TSPAN9: variants seen among roughly 807,000 people sequenced by gnomAD.
TSPAN9 encodes tetraspanin 9, also known as tetraspanin-9.
Under a neutral mutation model 31.0 loss-of-function variants are expected in TSPAN9, and 16 were observed. The ratio of observed to expected loss-of-function variants is 0.52; its 90% CI spans 0.35 to 0.78. TSPAN9 has a LOEUF of 0.78. Ranked by LOEUF, TSPAN9 falls within the 30% of genes least tolerant of loss-of-function variation. The probability of loss-of-function intolerance (pLI) is 0.01; values close to 1 mark genes in which losing one functional copy is unlikely to be tolerated. For synonymous variants in TSPAN9, 145 were observed against 121.6 expected (o/e 1.19, Z -1.27); for missense variants, 272 against 312.5 (o/e 0.87, Z 0.98).
chr12:3,146,900 T>C lies in TSPAN9; in HGVS notation c.-17-54277T>C, dbSNP rs548017263. On this transcript the variant is annotated intron_variant, in intron 2 of 8. Coordinates refer to ENST00000011898, the MANE Select transcript of TSPAN9 (RefSeq NM_006675.5). ...AGCTTTGGGGCCATGCTTTTTTGGGTTTGCATTCAGATTGTGACACTTACA... is the reference window on the plus strand; with the variant it reads ...AGCTTTGGGGCCATGCTTTTTTGGGCTTGCATTCAGATTGTGACACTTACA... Among the ~76,000 whole-genome samples, 8 of 152,122 alleles carry C rather than the reference T, an allele frequency of 5.3e-5. 2 individuals are homozygous for C. Among genetic ancestry groups the C allele is most frequent in the African/African-American group, 1.9e-4 (8 of 41,508 alleles).
intron 3 of TSPAN9, among the ~76,000 whole-genome samples, chr12:3,222,824 G>A (rs566883955): frequency 2.4e-4 from 37 of 152,260 alleles, no homozygotes; most frequent in African/African-American, 7.7e-4. Flanking sequence ...CACCCCCCAG[G>A]TCCCACCCTG....
At chr12:3,166,406 A>G (rs865936685) in intron 2 of TSPAN9, among the ~76,000 whole-genome samples, 8 of 152,382 alleles carry the variant, frequency 5.2e-5, no homozygotes, top group South Asian at 2.1e-4. Flanking sequence ...GCATCATACT[A>G]TCTAAAGCTG....
At chr12:3,281,981 T>G in intron 8 of TSPAN9, 164 bp downstream of exon 8, 2 of 822,992 alleles carry the variant, frequency 2.4e-6, no homozygotes, top group Non-Finnish European at 4.2e-6. Flanking sequence ...TCCGCAGAGC[T>G]CTGATATGAG....
intron 3 of TSPAN9, among the ~76,000 whole-genome samples, chr12:3,237,769 G>A (rs540761801): frequency 2.0e-5 from 3 of 152,196 alleles, no homozygotes; most frequent in South Asian, 2.1e-4. Context: ...CTTCCCTTCC[G>A]AAGCCAGAGG....
intron 2 of TSPAN9, among the ~76,000 whole-genome samples, chr12:3,131,330 A>T (rs2058245): frequency 6.6e-6 from 1 of 151,890 alleles, no homozygotes; most frequent in Admixed American, 6.6e-5. Flanking sequence ...GAGCCTGGAC[A>T]TGCCGAAGCT....
chr12:3,093,642 G>A (rs184308841), intron 2 of TSPAN9, among the ~76,000 whole-genome samples: 70 of 152,274 alleles, frequency 4.6e-4, no homozygotes, highest in African/African-American at 1.5e-3. Flanking sequence ...TTTGTTGATG[G>A]GAGATAGGAA....
chr12:3,219,895 C>T (rs771655487), intron 3 of TSPAN9, among the ~76,000 whole-genome samples: 2 of 150,566 alleles, frequency 1.3e-5, no homozygotes, highest in African/African-American at 2.5e-5. Context: ...TGGCCCACGC[C>T]GGTAATCCCA....
intron 2 of TSPAN9, among the ~76,000 whole-genome samples, chr12:3,194,172 C>CT (rs1229335791): frequency 6.6e-6 from 1 of 152,126 alleles, no homozygotes; most frequent in Non-Finnish European, 1.5e-5. Context: ...CTGACAGGCA[C>CT]TGAGGGGTGG....
chr12:3,195,912 G>T (rs965641461), intron 2 of TSPAN9, among the ~76,000 whole-genome samples: 1 of 152,206 alleles, frequency 6.6e-6, no homozygotes, highest in African/African-American at 2.4e-5. Context: ...TTCTGCAAGG[G>T]ACAGCTCGGT....
intron 1 of TSPAN9, among the ~76,000 whole-genome samples, chr12:3,081,842 G>A (rs61918055): frequency 0.15 from 8,536 of 56,082 alleles, 471 homozygotes; most frequent in African/African-American, 0.18. Flanking sequence ...GTGTCTGTGT[G>A]TGTATATATA....
rs1004901889 is a variant in TSPAN9 at position 3,224,440 on chromosome 12, G to A, written c.63+23184G>A. ...GTCTGGCCCTCCCTTTTTCACACAC[G>A]AGGAAGCTAGGAAGAACCTACAGAA... On this transcript the variant is annotated intron_variant, in intron 3 of 8. Transcript: ENST00000011898. Among the ~76,000 whole-genome samples, 7 of 152,344 alleles carry A rather than the reference G, an allele frequency of 4.6e-5. No individual in the cohort carries two copies. In the East Asian group the frequency reaches 1.2e-3, roughly 25 times the overall value.
chr12:3,246,451 C>T (rs1862128638), intron 3 of TSPAN9, among the ~76,000 whole-genome samples: 1 of 152,164 alleles, frequency 6.6e-6, no homozygotes, highest in African/African-American at 2.4e-5. Flanking sequence ...CTTTGGCTGC[C>T]TTGGCAGAAG....
intron 2 of TSPAN9, among the ~76,000 whole-genome samples, chr12:3,199,796 A>G (rs754941629): frequency 7.2e-5 from 11 of 152,132 alleles, no homozygotes; most frequent in East Asian, 1.9e-4. Flanking sequence ...GCTTTCCGAT[A>G]CCTCGCGCCT....
chr12:3,144,375 A>G (rs1378674881), intron 2 of TSPAN9, among the ~76,000 whole-genome samples: 1 of 152,214 alleles, frequency 6.6e-6, no homozygotes, highest in African/African-American at 2.4e-5. Flanking sequence ...TGCTGGGGTT[A>G]CAGGTGTGAG....
At chr12:3,096,888 C>T (rs989502433) in intron 2 of TSPAN9, among the ~76,000 whole-genome samples, 17 of 152,114 alleles carry the variant, frequency 1.1e-4, no homozygotes, top group African/African-American at 3.6e-4. Flanking sequence ...TTAGTAGAGA[C>T]GGGGTTTCAC....
chr12:3,108,786 T>C (rs1446584442), intron 2 of TSPAN9, among the ~76,000 whole-genome samples: 3 of 152,128 alleles, frequency 2.0e-5, no homozygotes, highest in Admixed American at 1.3e-4. Context: ...TCTATCGGGG[T>C]TTTTATTTTA....
chr12:3,164,188 TG>T (rs2098347071), intron 2 of TSPAN9, among the ~76,000 whole-genome samples: 1 of 152,190 alleles, frequency 6.6e-6, no homozygotes, highest in Non-Finnish European at 1.5e-5. Context: ...TTTCCTAAGG[TG>T]CTTTCGTATG....
intron 3 of TSPAN9, among the ~76,000 whole-genome samples, chr12:3,237,182 G>A (rs1037570706): frequency 7.2e-5 from 11 of 151,966 alleles, no homozygotes; most frequent in Non-Finnish European, 1.3e-4. Context: ...TTTGGGCCAC[G>A]GGGTCATTGT....
chr12:3,171,932 T>G (rs2098352077), intron 2 of TSPAN9: 1 of 152,164 alleles, frequency 6.6e-6, no homozygotes, highest in African/African-American at 2.4e-5. Flanking sequence ...ACCTATTTCT[T>G]TAAATTTCCA....
Sources: gnomAD v4.1 joint callset for allele counts (sites outside exome capture counted in the v4.1 genomes callset) on GRCh38, gnomAD v4.1.1 for gene constraint, MANE v1.5 for transcripts, NCBI Gene and HGNC (gene_info 2026-07-23, HGNC 2026-07-21) for gene names.